PRKCE: variants seen among roughly 807,000 people sequenced by gnomAD.
PRKCE encodes the protein protein kinase C epsilon type.
A neutral mutation model predicts 85.4 loss-of-function variants in PRKCE; 16 were observed. The observed-to-expected ratio is 0.19, with a 90% CI of 0.13 to 0.28. The LOEUF (loss-of-function observed/expected upper bound fraction) is 0.28. PRKCE is among the 10% of genes least tolerant of loss of function. The pLI is 1.00. For missense variants in PRKCE, 573 were observed against 975.2 expected, an observed-to-expected ratio of 0.59 and a Z score of 5.49; for synonymous variants, 388 against 371.5, an observed-to-expected ratio of 1.04 and a Z score of -0.51.
At chr2:46,029,332 T>A (rs1276890522) in intron 10 of PRKCE, among the ~76,000 whole-genome samples, 1 of 152,218 alleles carries the variant, frequency 6.6e-6, no homozygotes, top group Non-Finnish European at 1.5e-5. Context: ...CAGTGCTGTC[T>A]CAGATAATAT....
At chr2:45,830,726 C>T (rs931121993) in intron 1 of PRKCE, among the ~76,000 whole-genome samples, 11 of 152,178 alleles carry the variant, frequency 7.2e-5, no homozygotes, top group East Asian at 5.8e-4. Context: ...GTGAAAACAA[C>T]GTCACCTATT....
intron 1 of PRKCE, among the ~76,000 whole-genome samples, chr2:45,767,282 A>C (rs1684987692): frequency 1.3e-5 from 2 of 152,204 alleles, no homozygotes; most frequent in East Asian, 3.9e-4. Flanking sequence ...ACTTTTTAAA[A>C]AAAGGAACAA....
chr2:45,981,430 C>G (rs573845256), intron 5 of PRKCE, among the ~76,000 whole-genome samples: 2 of 152,322 alleles, frequency 1.3e-5, no homozygotes, highest in East Asian at 3.9e-4. Context: ...ATAATTGAGT[C>G]AAATAGCATC....
chr2:45,870,222 T>G (rs1693982026), intron 2 of PRKCE, among the ~76,000 whole-genome samples: 1 of 152,200 alleles, frequency 6.6e-6, no homozygotes, highest in African/African-American at 2.4e-5. Context: ...TCAGGAGGAC[T>G]GCTGGTTGAC....
intron 11 of PRKCE, among the ~76,000 whole-genome samples, chr2:46,106,215 G>A (rs1055050229): frequency 3.9e-5 from 6 of 152,130 alleles, no homozygotes; most frequent in Admixed American, 3.9e-4. Flanking sequence ...GTAACCATCT[G>A]TGTCTATATG....
intron 11 of PRKCE, among the ~76,000 whole-genome samples, chr2:46,091,782 T>C (rs141043400): frequency 1.3e-5 from 2 of 152,194 alleles, no homozygotes; most frequent in Non-Finnish European, 2.9e-5. Flanking sequence ...GAATTTACAT[T>C]ACTAAGATAC....
At chr2:45,805,669 C>A (rs1026947186) in intron 1 of PRKCE, among the ~76,000 whole-genome samples, 2 of 150,906 alleles carry the variant, frequency 1.3e-5, no homozygotes, top group Non-Finnish European at 2.9e-5. Flanking sequence ...TGGTCTTGGC[C>A]CACTGCAACC....
In PRKCE at chr2:45,652,348, T is replaced by A; in HGVS notation, c.248T>A (p.Val83Asp). The part of the protein sequence containing the change: ...VCNGRKIELA[V>D]FHDAPIGYDD... ...AACGGACGCAAGATCGAGCTGGCTG[T>A]CTTTCACGATGCCCCCATAGGCTAC... The change falls in exon 1 of 15, where the codon GTC (valine) becomes GAC (aspartate). Residue 83 changes from valine (V) to aspartate (D), a missense_variant. Transcript: ENST00000306156. This position sits in a 1 kb window ranked among gnomAD's most constrained non-coding sequence, Gnocchi z 7.7. 2 of 1,613,700 alleles carry A rather than the reference T, an allele frequency of 1.2e-6. No homozygotes were observed. The highest frequency in any genetic ancestry group is 1.7e-6 in the Non-Finnish European group (2 of 1,180,022).
chr2:45,975,139 C>A (rs1702360648), intron 2 of PRKCE, among the ~76,000 whole-genome samples: 1 of 152,170 alleles, frequency 6.6e-6, no homozygotes, highest in Non-Finnish European at 1.5e-5. Flanking sequence ...AAACTCTATT[C>A]TTCGCTTTGC....
chr2:46,047,796 G>A (rs551551885), intron 10 of PRKCE, among the ~76,000 whole-genome samples: 2 of 152,250 alleles, frequency 1.3e-5, no homozygotes, highest in East Asian at 3.9e-4. Context: ...CAATAGGGAG[G>A]ATATCTTGGC....
intron 1 of PRKCE, among the ~76,000 whole-genome samples, chr2:45,814,586 G>T (rs1688889856): frequency 6.6e-6 from 1 of 152,200 alleles, no homozygotes; most frequent in Admixed American, 6.5e-5. Flanking sequence ...TGGAAAAGGA[G>T]GGATGGGATA....
At position 46,068,330 on chromosome 2, in the gene PRKCE, T is replaced by C. The variant is rs961236905; in HGVS notation, c.1438-17878T>C. On this transcript the variant is annotated intron_variant, in intron 10 of 14. Transcript: ENST00000306156. The surrounding 1 kb of genome is among the most constrained non-coding windows in gnomAD (Gnocchi z 4.3). ...CCTGGGAAACAAGACAATAAAACAG[T>C]GTTGAATTAGGTTTTCTAGAGTAAT... 6.6e-6 allele frequency among the ~76,000 whole-genome samples: 1 copy of C among 152,180 alleles called. No individual in the cohort carries two copies. Among genetic ancestry groups the C allele is most frequent in the Non-Finnish European group, 1.5e-5 (1 of 68,024 alleles).
intron 1 of PRKCE, among the ~76,000 whole-genome samples, chr2:45,708,218 C>G (rs561687517): frequency 7.6e-4 from 116 of 152,226 alleles, no homozygotes; most frequent in African/African-American, 2.6e-3. Flanking sequence ...CCACAATCAT[C>G]AAGTGCCACA....
intron 1 of PRKCE, among the ~76,000 whole-genome samples, chr2:45,826,356 G>A (rs935664): frequency 0.62 from 94,531 of 151,602 alleles, 30,565 homozygotes; most frequent in African/African-American, 0.8. Context: ...GCAGGTCTTT[G>A]TGATCAAACA....
At chr2:45,807,333 T>C (rs565297831) in intron 1 of PRKCE, among the ~76,000 whole-genome samples, 29 of 151,698 alleles carry the variant, frequency 1.9e-4, no homozygotes, top group African/African-American at 7.1e-4. Flanking sequence ...TTAAAGAAGA[T>C]GAAACCTCCA....
At chr2:45,985,714 A>C (rs566031535) in intron 6 of PRKCE, among the ~76,000 whole-genome samples, 1 of 152,332 alleles carries the variant, frequency 6.6e-6, no homozygotes, top group East Asian at 1.9e-4. Context: ...TATTGGATGT[A>C]GTGACCAGAA....
At chr2:45,690,839 T>C (rs968698166) in intron 1 of PRKCE, among the ~76,000 whole-genome samples, 1 of 152,240 alleles carries the variant, frequency 6.6e-6, no homozygotes. Flanking sequence ...ACCATCCAGG[T>C]GCTCCCAGAG....
chr2:45,731,185 A>T (rs1408324028), intron 1 of PRKCE, among the ~76,000 whole-genome samples: 2 of 152,188 alleles, frequency 1.3e-5, no homozygotes, highest in South Asian at 2.1e-4. Flanking sequence ...AGAGAGGAAG[A>T]TGGTTATTAC....
At chr2:45,881,121 C>G (rs1694853858) in intron 2 of PRKCE, among the ~76,000 whole-genome samples, 1 of 146,816 alleles carries the variant, frequency 6.8e-6, no homozygotes, top group East Asian at 2.0e-4. Flanking sequence ...CCACTGCACT[C>G]CAGCCTGGGC....
Sources: gnomAD v4.1 joint callset for allele counts (sites outside exome capture counted in the v4.1 genomes callset) on GRCh38, gnomAD v4.1.1 for gene constraint, Gnocchi (gnomAD v3.1) non-coding constraint, MANE v1.5 for transcripts, NCBI Gene and HGNC (gene_info 2026-07-23, HGNC 2026-07-21) for gene names.